The following FOXP2 variants were observed in gnomAD, a reference collection of about 807,000 sequenced individuals.
The protein encoded by FOXP2 is forkhead box P2, also known as forkhead box protein P2.
A neutral mutation model predicts 115.8 loss-of-function variants in FOXP2; 12 were observed. The ratio of observed to expected loss-of-function variants is 0.10; its 90% CI spans 0.07 to 0.17. The LOEUF is 0.17. Ranked by LOEUF, FOXP2 falls within the 10% of genes least tolerant of loss-of-function variation. The probability of loss-of-function intolerance (pLI) is 1.00; values close to 1 mark genes in which losing one functional copy is unlikely to be tolerated. For synonymous variants in FOXP2, 328 were observed against 297.7 expected (o/e 1.10, Z -1.05); for missense variants, 629 against 843.5 (o/e 0.75, Z 3.15).
At chr7:114,683,626 T>A (rs1228679884) in intron 16 of FOXP2, among the ~76,000 whole-genome samples, 1 of 152,154 alleles carries the variant, frequency 6.6e-6, no homozygotes, top group African/African-American at 2.4e-5. Context: ...CTTTAGGAAG[T>A]AGACACAGTG....
chr7:114,257,653 C>T (rs543412460), intron 1 of FOXP2, among the ~76,000 whole-genome samples: 1 of 152,092 alleles, frequency 6.6e-6, no homozygotes, highest in African/African-American at 2.4e-5. Context: ...CAGGGTTTCA[C>T]TGTGTTAGCC....
Position 114,099,678 on chromosome 7 carries a change from G to A in FOXP2, c.-247+11840G>A, listed in dbSNP as rs374406015. Reference sequence around the variant, plus strand: ...TATATTCAGTTTTCCTTTGGTTTCTGCGGAGCATTGGTTCCAGGACCTCCC... The same window carrying A: ...TATATTCAGTTTTCCTTTGGTTTCTACGGAGCATTGGTTCCAGGACCTCCC... On this transcript the variant is annotated intron_variant, in intron 1 of 19. Transcript: ENST00000635638. Among the ~76,000 whole-genome samples the A allele has an allele frequency of 2.6e-4, 39 of 152,274 alleles. No homozygotes were observed. In the East Asian group the frequency reaches 7.3e-3, roughly 29 times the overall value.
chr7:114,632,615 C>A (rs1804982081), intron 6 of FOXP2, among the ~76,000 whole-genome samples: 1 of 152,114 alleles, frequency 6.6e-6, no homozygotes, highest in Admixed American at 6.5e-5. Context: ...TTTGCTGATT[C>A]TAAAGGACAT....
At chr7:114,635,057 A>G (rs995674710) in intron 6 of FOXP2, among the ~76,000 whole-genome samples, 1 of 152,220 alleles carries the variant, frequency 6.6e-6, no homozygotes, top group African/African-American at 2.4e-5. Context: ...ATTCTTCTGA[A>G]TTAACACATT....
chr7:114,224,214 A>C (rs1179903201), intron 1 of FOXP2, among the ~76,000 whole-genome samples: 1 of 152,084 alleles, frequency 6.6e-6, no homozygotes, highest in Non-Finnish European at 1.5e-5. Flanking sequence ...ATTTCATAAG[A>C]CTTTATTTTC....
At chr7:114,671,576 G>A (rs895805206) in intron 16 of FOXP2, among the ~76,000 whole-genome samples, 2 of 152,114 alleles carry the variant, frequency 1.3e-5, no homozygotes, top group Non-Finnish European at 2.9e-5. Context: ...AACACTAGTT[G>A]AGCCTTAAAA....
chr7:114,115,263 G>T (rs1023166069), intron 1 of FOXP2, among the ~76,000 whole-genome samples: 1 of 152,092 alleles, frequency 6.6e-6, no homozygotes, highest in Non-Finnish European at 1.5e-5. Flanking sequence ...GGTGCTTAAT[G>T]CATATTTGTT....
intron 3 of FOXP2, among the ~76,000 whole-genome samples, chr7:114,535,472 T>C (rs1361372930): frequency 3.3e-5 from 5 of 151,754 alleles, no homozygotes; most frequent in African/African-American, 7.2e-5. Flanking sequence ...AATCATGTGT[T>C]ATATACATGT....
intron 1 of FOXP2, among the ~76,000 whole-genome samples, chr7:114,190,100 T>C (rs1403181383): frequency 6.6e-6 from 1 of 152,218 alleles, no homozygotes; most frequent in African/African-American, 2.4e-5. Flanking sequence ...ATAAGTAACA[T>C]CATGCTACTC....
At chr7:114,360,931 T>C (rs1377680094) in intron 2 of FOXP2, among the ~76,000 whole-genome samples, 5 of 152,174 alleles carry the variant, frequency 3.3e-5, no homozygotes, top group Non-Finnish European at 7.4e-5. Context: ...TTAAATACTT[T>C]ATGTTCTTAA....
intron 1 of FOXP2, among the ~76,000 whole-genome samples, chr7:114,223,274 C>T (rs2129164257): frequency 6.6e-6 from 1 of 152,048 alleles, no homozygotes; most frequent in East Asian, 1.9e-4. Context: ...TGTCATACTG[C>T]TCCTTTTGTT....
chr7:114,164,275 T>C (rs148236147), intron 1 of FOXP2, among the ~76,000 whole-genome samples: 3,255 of 152,276 alleles, frequency 0.021, 56 homozygotes, highest in African/African-American at 0.053. Flanking sequence ...TGGACTTAGA[T>C]GTTCAGTTCA....
chr7:114,275,656 T>G (rs1796168894), intron 1 of FOXP2, among the ~76,000 whole-genome samples: 1 of 152,214 alleles, frequency 6.6e-6, no homozygotes, highest in Non-Finnish European at 1.5e-5. Flanking sequence ...TGTTTTACAT[T>G]CCTGGTCTGA....
At chr7:114,623,636 A>G (rs1165404716) in intron 3 of FOXP2, among the ~76,000 whole-genome samples, 2 of 151,906 alleles carry the variant, frequency 1.3e-5, no homozygotes, top group African/African-American at 2.4e-5. Context: ...CCAGCAGTAC[A>G]AAGAAAAGAA....
chr7:114,327,099 T>C (rs1311646771), intron 2 of FOXP2, among the ~76,000 whole-genome samples: 2 of 152,208 alleles, frequency 1.3e-5, no homozygotes, highest in Admixed American at 1.3e-4. Flanking sequence ...CCACCTGATA[T>C]TTGATCTCAT....
intron 1 of FOXP2, among the ~76,000 whole-genome samples, chr7:114,097,126 A>G (rs925049296): frequency 1.3e-5 from 2 of 152,128 alleles, no homozygotes; most frequent in Non-Finnish European, 2.9e-5. Context: ...CACTTTCATC[A>G]TTTTTTAATT....
chr7:114,303,926 G>T (rs966346573), intron 2 of FOXP2, among the ~76,000 whole-genome samples: 18 of 151,928 alleles, frequency 1.2e-4, no homozygotes, highest in African/African-American at 4.3e-4. Flanking sequence ...TATGGCTGCA[G>T]GCTTTATACC....
At chr7:114,138,444 G>T (rs542937168) in intron 1 of FOXP2, among the ~76,000 whole-genome samples, 101 of 150,872 alleles carry the variant, frequency 6.7e-4, no homozygotes, top group African/African-American at 2.3e-3. Flanking sequence ...TGGGCTGGAG[G>T]GCAATGACGC....
intron 1 of FOXP2, among the ~76,000 whole-genome samples, chr7:114,189,931 C>A (rs988096737): frequency 5.9e-5 from 9 of 152,012 alleles, no homozygotes; most frequent in African/African-American, 2.2e-4. Context: ...CAAATGAGTG[C>A]ATGTTTATGA....
Sources: allele counts gnomAD v4.1 joint callset (sites outside exome capture counted in the v4.1 genomes callset), GRCh38; gene constraint gnomAD v4.1.1; transcripts MANE v1.5; gene names NCBI Gene and HGNC (gene_info 2026-07-23, HGNC 2026-07-21).